Variants in CFAP299 observed in about 807,000 individuals in gnomAD.
The protein encoded by CFAP299 is cilia and flagella associated protein 299, also known as cilia- and flagella-associated protein 299.
Under a neutral mutation model 27.0 loss-of-function variants are expected in CFAP299, and 21 were observed. The ratio of observed to expected loss-of-function variants is 0.78; its 90% CI spans 0.55 to 1.12. The LOEUF is 1.12. Among genes scored for constraint, CFAP299 ranks in the 50% most tolerant of loss-of-function variants. CFAP299 has a pLI of 0.00. For missense variants in CFAP299, 310 were observed against 276.6 expected, an observed-to-expected ratio of 1.12 and a Z score of -0.86; for synonymous variants, 104 against 98.1, an observed-to-expected ratio of 1.06 and a Z score of -0.36.
intron 2 of CFAP299, among the ~76,000 whole-genome samples, chr4:80,442,828 TAGACAC>T (rs1728426054): frequency 6.6e-6 from 1 of 151,768 alleles, no homozygotes; most frequent in African/African-American, 2.4e-5. Flanking sequence ...AAGAATCAAA[TAGACAC>T]AATAAAAAAG....
At chr4:80,412,724 ATTG>A (rs1726785286) in intron 2 of CFAP299, among the ~76,000 whole-genome samples, 1 of 152,210 alleles carries the variant, frequency 6.6e-6, no homozygotes. Flanking sequence ...TGTCTCAATT[ATTG>A]TTGGATTGTT....
chr4:80,833,621 C>T (rs978788502), intron 3 of CFAP299, among the ~76,000 whole-genome samples: 2 of 152,184 alleles, frequency 1.3e-5, no homozygotes, highest in Admixed American at 6.5e-5. Flanking sequence ...GGGATTTTCT[C>T]TCCATTTCCT....
chr4:80,751,130 TTCTTA>T (rs1262274821), intron 3 of CFAP299, among the ~76,000 whole-genome samples: 1 of 152,138 alleles, frequency 6.6e-6, no homozygotes, highest in Non-Finnish European at 1.5e-5. Context: ...TTTGCATTGA[TTCTTA>T]TCTTTGTGGG....
intron 1 of CFAP299, among the ~76,000 whole-genome samples, chr4:80,338,710 TTAAG>T (rs1438937120): frequency 6.6e-6 from 1 of 152,200 alleles, no homozygotes; most frequent in Non-Finnish European, 1.5e-5. Context: ...TGCTAAGAGT[TTAAG>T]TAAGAATCTA....
At chr4:80,634,272 G>T (rs1012323990) in intron 3 of CFAP299, among the ~76,000 whole-genome samples, 1 of 151,940 alleles carries the variant, frequency 6.6e-6, no homozygotes, top group Non-Finnish European at 1.5e-5. Context: ...GTGAGCCACC[G>T]CACATGGCCG....
chr4:80,517,223 A>G (rs974612410), intron 2 of CFAP299, among the ~76,000 whole-genome samples: 3 of 152,198 alleles, frequency 2.0e-5, no homozygotes, highest in African/African-American at 7.2e-5. Flanking sequence ...TGGGGTAGGA[A>G]GGAAAGAAAT....
chr4:80,540,570 C>G (rs1733952259), intron 2 of CFAP299, among the ~76,000 whole-genome samples: 1 of 151,974 alleles, frequency 6.6e-6, no homozygotes, highest in African/African-American at 2.4e-5. Flanking sequence ...TATAATGAGC[C>G]CCTTTAGCTA....
intron 2 of CFAP299, among the ~76,000 whole-genome samples, chr4:80,451,446 G>A (rs1213539206): frequency 1.3e-5 from 2 of 152,082 alleles, no homozygotes; most frequent in African/African-American, 4.8e-5. Context: ...CAAAATATAG[G>A]GGTCTATCAG....
chr4:80,765,154 T>G (rs2110080254), intron 3 of CFAP299, among the ~76,000 whole-genome samples: 1 of 152,230 alleles, frequency 6.6e-6, no homozygotes, highest in South Asian at 2.1e-4. Context: ...TAAGAAAAAC[T>G]GTTGATCTGT....
intron 2 of CFAP299, among the ~76,000 whole-genome samples, chr4:80,466,117 C>A (rs1380060825): frequency 6.6e-6 from 1 of 152,086 alleles, no homozygotes; most frequent in African/African-American, 2.4e-5. Context: ...ATTCAGGTAA[C>A]CTTAGAAAAC....
chr4:80,797,585 A>G (rs1432330965), intron 3 of CFAP299, among the ~76,000 whole-genome samples: 1 of 152,066 alleles, frequency 6.6e-6, no homozygotes, highest in Admixed American at 6.6e-5. Flanking sequence ...GGCCCCTGCC[A>G]CCTCGAGATC....
chr4:80,452,653 G>T (rs1396646414), intron 2 of CFAP299, among the ~76,000 whole-genome samples: 1 of 152,154 alleles, frequency 6.6e-6, no homozygotes, highest in Non-Finnish European at 1.5e-5. Context: ...CAAGCTGAAT[G>T]AGAACAATGT....
intron 3 of CFAP299, among the ~76,000 whole-genome samples, chr4:80,588,114 G>T (rs1736541227): frequency 6.6e-6 from 1 of 151,142 alleles, no homozygotes; most frequent in Non-Finnish European, 1.5e-5. Context: ...AGATTGTTCT[G>T]CCTGCGGCAA....
intron 3 of CFAP299, among the ~76,000 whole-genome samples, chr4:80,672,636 G>C (rs1741562230): frequency 6.6e-6 from 1 of 152,000 alleles, no homozygotes; most frequent in Non-Finnish European, 1.5e-5. Flanking sequence ...TCTGGTCTTG[G>C]AATTTTTTTG....
intron 2 of CFAP299, among the ~76,000 whole-genome samples, chr4:80,505,299 TC>T (rs1731967530): frequency 6.6e-6 from 1 of 152,092 alleles, no homozygotes; most frequent in South Asian, 2.1e-4. Context: ...CAAAATTAAA[TC>T]CAGTTCTTTT....
intron 4 of CFAP299, among the ~76,000 whole-genome samples, chr4:80,883,819 T>A (rs1286071944): frequency 6.6e-6 from 1 of 152,168 alleles, no homozygotes; most frequent in East Asian, 1.9e-4. Context: ...ACAATAATAA[T>A]AGAGGACTTC....
intron 4 of CFAP299, among the ~76,000 whole-genome samples, chr4:80,909,380 A>G (rs1478507785): frequency 6.6e-6 from 1 of 152,098 alleles, no homozygotes; most frequent in African/African-American, 2.4e-5. Context: ...AATTATAATG[A>G]CAATGTAAAT....
At chr4:80,911,762 A>G (rs1324469477) in intron 4 of CFAP299, among the ~76,000 whole-genome samples, 4 of 152,190 alleles carry the variant, frequency 2.6e-5, no homozygotes, top group East Asian at 3.8e-4. Flanking sequence ...CAATGCCATA[A>G]GAAGCACTTC....
At chr4:80,401,950 G>C (rs550620242) in intron 2 of CFAP299, among the ~76,000 whole-genome samples, 5 of 152,284 alleles carry the variant, frequency 3.3e-5, no homozygotes, top group Non-Finnish European at 7.4e-5. Context: ...AATCAAAGGA[G>C]ATCATTTTGG....
Sources: allele counts gnomAD v4.1 joint callset (sites outside exome capture counted in the v4.1 genomes callset), GRCh38; gene constraint gnomAD v4.1.1; transcripts MANE v1.5; gene names NCBI Gene and HGNC (gene_info 2026-07-23, HGNC 2026-07-21).